The following ZMIZ1 variants were observed in gnomAD, a reference collection of about 807,000 sequenced individuals.
ZMIZ1 encodes zinc finger MIZ domain-containing protein 1.
In ZMIZ1, 17 loss-of-function variants were observed where a neutral mutation model predicts 113.9. The ratio of observed to expected loss-of-function variants is 0.15; its 90% CI spans 0.10 to 0.22. The LOEUF (loss-of-function observed/expected upper bound fraction) is 0.22, where lower values mean the gene tolerates loss of function less well. Among genes scored for constraint, ZMIZ1 ranks in the 10% least tolerant of loss-of-function variants. ZMIZ1 has a pLI of 1.00. For missense variants in ZMIZ1, 1,059 were observed against 1,477.8 expected, an observed-to-expected ratio of 0.72 and a Z score of 4.65; for synonymous variants, 607 against 603.1, an observed-to-expected ratio of 1.01 and a Z score of -0.09.
intron 7 of ZMIZ1, among the ~76,000 whole-genome samples, chr10:79,251,861 G>A (rs1850573398): frequency 1.3e-5 from 2 of 152,198 alleles, no homozygotes; most frequent in Non-Finnish European, 2.9e-5. Context: ...CAGGGGGTCA[G>A]GGCAGCAGCA....
chr10:79,140,546 C>T (rs1158291995), intron 3 of ZMIZ1, among the ~76,000 whole-genome samples: 1 of 152,176 alleles, frequency 6.6e-6, no homozygotes, highest in Non-Finnish European at 1.5e-5. Context: ...AGACCCATCC[C>T]TCCATCCATC....
chr10:79,267,952 T>G (rs570829800), intron 7 of ZMIZ1, among the ~76,000 whole-genome samples: 3 of 152,334 alleles, frequency 2.0e-5, no homozygotes, highest in African/African-American at 7.2e-5. Flanking sequence ...TTTCTGTGCA[T>G]GGCTATAGAA....
Position 79,069,019 on chromosome 10 carries a change from A to AAGCGAGCGGCGGCGGCGGGCGCCGGGGAG in ZMIZ1, c.-583_-555dup, listed in dbSNP as rs1356610853. Reference sequence around the variant, plus strand: ...TTTTCACTGTCTGTGGACATTAAAAAAGCGAGCGGCGGCGGCGGGCGCCGG... The same window carrying AAGCGAGCGGCGGCGGCGGGCGCCGGGGAG: ...TTTTCACTGTCTGTGGACATTAAAAAAGCGAGCGGCGGCGGCGGGCGCCGGGGAGAGCGAGCGGCGGCGGCGGGCGCCGG... On this transcript the variant is annotated 5_prime_UTR_variant, in exon 1 of 25. Coordinates refer to ENST00000334512, the MANE Select transcript of ZMIZ1 (RefSeq NM_020338.4). The surrounding 1 kb of genome is among the most constrained non-coding windows in gnomAD (Gnocchi z 4.6). The AAGCGAGCGGCGGCGGCGGGCGCCGGGGAG allele has an allele frequency of 5.3e-5, 8 of 151,586 alleles. No homozygotes were observed. In the South Asian group the frequency reaches 5.3e-4, roughly 10 times the overall value. 9.4% of individuals were successfully genotyped at this position (151,586 alleles called of 1,614,324 possible). A position where few individuals can be genotyped will look rare whatever the true frequency, so the allele number is the denominator to read the frequency against.
chr10:79,105,198 A>G (rs2132274993), intron 1 of ZMIZ1, among the ~76,000 whole-genome samples: 1 of 152,300 alleles, frequency 6.6e-6, no homozygotes, highest in East Asian at 1.9e-4. Context: ...ACAGCTGTTA[A>G]CCTCGGGTGT....
At chr10:79,218,233 G>A (rs150644338) in intron 7 of ZMIZ1, among the ~76,000 whole-genome samples, 1 of 152,170 alleles carries the variant, frequency 6.6e-6, no homozygotes, top group Non-Finnish European at 1.5e-5. Flanking sequence ...CAGCACTTTG[G>A]GAGGCTCAGG....
chr10:79,307,253 C>G, intron 22 of ZMIZ1, 152 bp from the exon 23 acceptor site: 1 of 719,004 alleles, frequency 1.4e-6, no homozygotes, highest in Non-Finnish European at 2.3e-6. Flanking sequence ...CTGCTCTATC[C>G]TACAGCCCGG....
intron 7 of ZMIZ1, among the ~76,000 whole-genome samples, chr10:79,236,494 T>C (rs1392207383): frequency 6.6e-6 from 1 of 152,176 alleles, no homozygotes; most frequent in Non-Finnish European, 1.5e-5. Flanking sequence ...GGCACGGACA[T>C]TCGAGCTGCC....
chr10:79,102,208 C>T (rs1037782323), intron 1 of ZMIZ1, among the ~76,000 whole-genome samples: 2 of 152,240 alleles, frequency 1.3e-5, no homozygotes, highest in Admixed American at 6.5e-5. Context: ...GACCAGGCCT[C>T]GCCCAGTTGG....
At chr10:79,144,584 G>A (rs1268882978) in intron 3 of ZMIZ1, among the ~76,000 whole-genome samples, 1 of 152,170 alleles carries the variant, frequency 6.6e-6, no homozygotes, top group African/African-American at 2.4e-5. Flanking sequence ...AGCACCCACT[G>A]TGCTTGGTCT....
rs767928540 is a variant in ZMIZ1 at position 79,293,672 on chromosome 10, G to T, written c.1230+19G>T. On this transcript the variant is annotated intron_variant, in intron 12 of 24. Transcript: ENST00000334512. Reference sequence around the variant, plus strand: ...TGGAGAGGTGAGTGCAGCAGTGGGAGCCTGGGAGGTGGGAACTGGGACACC... The same window carrying T: ...TGGAGAGGTGAGTGCAGCAGTGGGATCCTGGGAGGTGGGAACTGGGACACC... 77 of 1,613,046 alleles carry T rather than the reference G, an allele frequency of 4.8e-5. No individual in the cohort carries two copies. The highest frequency in any genetic ancestry group is 6.0e-5 in the Non-Finnish European group (71 of 1,180,044).
chr10:79,257,429 G>A (rs1182331580), intron 7 of ZMIZ1, among the ~76,000 whole-genome samples: 2 of 152,376 alleles, frequency 1.3e-5, no homozygotes, highest in African/African-American at 2.4e-5. Context: ...TAGAGTTGGT[G>A]TATCTGGAAC....
chr10:79,260,049 T>C (rs940491068), intron 7 of ZMIZ1, among the ~76,000 whole-genome samples: 10 of 152,250 alleles, frequency 6.6e-5, no homozygotes, highest in Non-Finnish European at 1.3e-4. Context: ...GTCTGCTGTG[T>C]GCCCCAGACT....
chr10:79,204,545 C>T (rs1848233853), intron 5 of ZMIZ1, among the ~76,000 whole-genome samples: 1 of 152,228 alleles, frequency 6.6e-6, no homozygotes, highest in South Asian at 2.1e-4. Context: ...CTACTCTGCT[C>T]TGTCTCTCTG....
intron 4 of ZMIZ1, among the ~76,000 whole-genome samples, chr10:79,181,080 G>A (rs1361239614): frequency 6.6e-6 from 1 of 152,230 alleles, no homozygotes; most frequent in African/African-American, 2.4e-5. Flanking sequence ...TTTCCCAGGA[G>A]GCAGAGCTGT....
intron 4 of ZMIZ1, among the ~76,000 whole-genome samples, chr10:79,172,561 G>A (rs1170796285): frequency 6.6e-6 from 1 of 152,230 alleles, no homozygotes; most frequent in African/African-American, 2.4e-5. Context: ...ACAGAGGGAA[G>A]TTAGGAAAAT....
intron 7 of ZMIZ1, among the ~76,000 whole-genome samples, chr10:79,276,075 G>C (rs1304544251): frequency 1.3e-5 from 2 of 152,178 alleles, no homozygotes; most frequent in African/African-American, 2.4e-5. Context: ...ATCAGCTGAG[G>C]TGTGGCCACC....
chr10:79,239,666 T>A (rs865978693), intron 7 of ZMIZ1, among the ~76,000 whole-genome samples: 11 of 152,178 alleles, frequency 7.2e-5, no homozygotes, highest in Non-Finnish European at 1.6e-4. Flanking sequence ...TCCTTGCTAG[T>A]GGCCTCTCAG....
At chr10:79,219,913 G>T (rs1315881935) in intron 7 of ZMIZ1, among the ~76,000 whole-genome samples, 1 of 152,124 alleles carries the variant, frequency 6.6e-6, no homozygotes, top group Non-Finnish European at 1.5e-5. Context: ...TGGGCTCTCG[G>T]GATCCCAGCC....
chr10:79,070,517 G>T (rs968586415), intron 1 of ZMIZ1, among the ~76,000 whole-genome samples: 36 of 152,146 alleles, frequency 2.4e-4, no homozygotes, highest in African/African-American at 8.7e-4. Context: ...GCGGACGGGA[G>T]CGCGCCAGGG....
Sources: gnomAD v4.1 joint callset for allele counts (sites outside exome capture counted in the v4.1 genomes callset) on GRCh38, gnomAD v4.1.1 for gene constraint, Gnocchi (gnomAD v3.1) non-coding constraint, MANE v1.5 for transcripts, NCBI Gene and HGNC (gene_info 2026-07-23, HGNC 2026-07-21) for gene names.